The following CAST variants were observed in gnomAD, a reference collection of about 807,000 sequenced individuals.
The protein encoded by CAST is calpastatin, also known as MIR583 host.
Under a neutral mutation model 119.6 loss-of-function variants are expected in CAST, and 76 were observed. The ratio of observed to expected loss-of-function variants is 0.64; its 90% CI spans 0.53 to 0.77. The LOEUF is 0.77. Ranked by LOEUF, CAST falls within the 30% of genes least tolerant of loss-of-function variation. The pLI is 0.00. For missense variants in CAST, 953 were observed against 946.5 expected (o/e 1.01, Z -0.09); for synonymous variants, 319 against 331.6 (o/e 0.96, Z 0.41).
chr5:96,744,512 C>A (rs1397775037), intron 16 of CAST, among the ~76,000 whole-genome samples: 2 of 152,176 alleles, frequency 1.3e-5, no homozygotes, highest in East Asian at 3.9e-4. Context: ...CACTGGGTCC[C>A]TCCCACGACA....
chr5:96,082,773 T>C, the CAST span, among the ~76,000 whole-genome samples: 4 of 152,106 alleles, frequency 2.6e-5, no homozygotes, highest in Non-Finnish European at 4.4e-5. Flanking sequence ...ATATTCTCCA[T>C]AGGAGGGAGG....
chr5:96,246,948 A>G, the CAST span, among the ~76,000 whole-genome samples: 2 of 152,262 alleles, frequency 1.3e-5, no homozygotes, highest in Non-Finnish European at 2.9e-5. Context: ...CATAGCAAGC[A>G]TTAAACATTT....
intron 3 of CAST, among the ~76,000 whole-genome samples, chr5:96,697,269 T>C (rs897368699): frequency 9.2e-5 from 14 of 152,186 alleles, no homozygotes; most frequent in African/African-American, 3.4e-4. Flanking sequence ...TTCAGGAGTA[T>C]CTATACAACT....
chr5:96,701,467 T>A (rs1753880412), intron 3 of CAST, among the ~76,000 whole-genome samples: 2 of 152,084 alleles, frequency 1.3e-5, no homozygotes, highest in African/African-American at 4.8e-5. Context: ...ACAATACTAA[T>A]GATCAACAAC....
chr5:96,722,641 G>A lies in CAST; in HGVS notation c.213G>A (p.Val71=). The change falls in exon 4 of 32, where the codon GTG becomes GTA. Residue 71 remains valine, a splice_region_variant and synonymous_variant. Coordinates refer to ENST00000675179, the MANE Select transcript of CAST (RefSeq NM_001750.7). ...YAGGTASATK[V]SASSGATSKS... is the part of the protein sequence containing the mutation. ...CTATTTCTTTCTTTCCTTTCTAGGTGTCAGCTTCCTCTGGTGCAACCAGCA... is the reference window on the plus strand; with the variant it reads ...CTATTTCTTTCTTTCCTTTCTAGGTATCAGCTTCCTCTGGTGCAACCAGCA... 6.2e-7 allele frequency: 1 copy of A among 1,610,936 alleles called. No homozygotes were observed. The highest frequency in any genetic ancestry group is 1.1e-5 in the South Asian group (1 of 91,020).
At chr5:96,115,024 G>A in the CAST span, among the ~76,000 whole-genome samples, 2 of 152,306 alleles carry the variant, frequency 1.3e-5, no homozygotes, top group South Asian at 2.1e-4. Flanking sequence ...ACAATTACAA[G>A]AGAAATGGCC....
intron 1 of CAST, among the ~76,000 whole-genome samples, chr5:96,672,603 A>G (rs1380274701): frequency 6.8e-6 from 1 of 147,220 alleles, no homozygotes; most frequent in Non-Finnish European, 1.5e-5. Context: ...GCTACTTGGG[A>G]GGCTGAGGCA....
the CAST span, among the ~76,000 whole-genome samples, chr5:96,342,744 C>G: frequency 8.5e-5 from 13 of 152,178 alleles, no homozygotes; most frequent in Non-Finnish European, 1.5e-4. Flanking sequence ...AGCCATATCT[C>G]CTCAATTCTT....
At chr5:96,153,565 G>A in the CAST span, among the ~76,000 whole-genome samples, 2 of 152,162 alleles carry the variant, frequency 1.3e-5, no homozygotes, top group African/African-American at 4.8e-5. Context: ...GCAGGTCCTT[G>A]CAAGTGACTT....
At chr5:96,753,504 T>C (rs1010236318) in intron 20 of CAST, among the ~76,000 whole-genome samples, 1 of 152,298 alleles carries the variant, frequency 6.6e-6, no homozygotes, top group Middle Eastern at 3.4e-3. Flanking sequence ...GGACCACAGG[T>C]AGACAGTTCT....
chr5:96,750,803 A>G (rs1581265645), intron 20 of CAST, 121 bp downstream of exon 20: 2 of 558,828 alleles, frequency 3.6e-6, no homozygotes, highest in Admixed American at 3.1e-5. Flanking sequence ...ATAAAATCTG[A>G]TATCATTATA....
intron 1 of CAST, among the ~76,000 whole-genome samples, chr5:96,604,820 A>G (rs261213): frequency 0.35 from 52,658 of 152,136 alleles, 10,475 homozygotes; most frequent in Admixed American, 0.44. Context: ...AGGATGTGTG[A>G]TATGTAAAAT....
chr5:96,324,484 C>T, the CAST span, among the ~76,000 whole-genome samples: 14 of 152,308 alleles, frequency 9.2e-5, no homozygotes, highest in East Asian at 2.7e-3. Context: ...TACTTAGACA[C>T]ACATGAGACA....
At chr5:96,344,185 T>C in the CAST span, among the ~76,000 whole-genome samples, 1 of 149,062 alleles carries the variant, frequency 6.7e-6, no homozygotes, top group Non-Finnish European at 1.5e-5. Context: ...CCGCAAGCCC[T>C]AAAGCAATAG....
the CAST span, among the ~76,000 whole-genome samples, chr5:96,509,485 G>GA: frequency 6.6e-6 from 1 of 152,162 alleles, no homozygotes; most frequent in African/African-American, 2.4e-5. Flanking sequence ...ACCAAAGGGG[G>GA]AAAAATCTAA....
the CAST span, among the ~76,000 whole-genome samples, chr5:96,082,016 C>T: frequency 2.0e-5 from 3 of 152,190 alleles, no homozygotes; most frequent in South Asian, 6.2e-4. Flanking sequence ...TGGGTTCAGG[C>T]GATTCTCCTG....
chr5:96,367,120 C>G, the CAST span, among the ~76,000 whole-genome samples: 1 of 152,180 alleles, frequency 6.6e-6, no homozygotes, highest in African/African-American at 2.4e-5. Context: ...TGGGCATCAG[C>G]AGTGGAGGCT....
At chr5:96,317,854 C>A in the CAST span, among the ~76,000 whole-genome samples, 1 of 152,052 alleles carries the variant, frequency 6.6e-6, no homozygotes. Context: ...AACATCTGCA[C>A]CCTGATATTA....
the CAST span, among the ~76,000 whole-genome samples, chr5:96,393,564 AC>A: frequency 1.1e-4 from 16 of 152,144 alleles, no homozygotes; most frequent in Admixed American, 2.0e-4. Flanking sequence ...CCTCTGGGGT[AC>A]CTTTAACAAC....
Sources: allele counts gnomAD v4.1 joint callset (sites outside exome capture counted in the v4.1 genomes callset), GRCh38; gene constraint gnomAD v4.1.1; transcripts MANE v1.5; gene names NCBI Gene and HGNC (gene_info 2026-07-23, HGNC 2026-07-21).